SYCE2: variants seen among roughly 807,000 people sequenced by gnomAD.
SYCE2 encodes the protein central element synaptonemal complex 1.
A neutral mutation model predicts 27.9 loss-of-function variants in SYCE2; 3 were observed. The observed-to-expected ratio is 0.11, with a 90% CI of 0.05 to 0.28. The LOEUF (loss-of-function observed/expected upper bound fraction) is 0.28. Ranked by LOEUF, SYCE2 falls within the 10% of genes least tolerant of loss-of-function variation. SYCE2 has a pLI of 1.00. For missense variants in SYCE2, 207 were observed against 263.5 expected, an observed-to-expected ratio of 0.79 and a Z score of 1.48; for synonymous variants, 85 against 100.7, an observed-to-expected ratio of 0.84 and a Z score of 0.93.
rs144074072 is a variant in SYCE2 at position 12,904,277 on chromosome 19, A to T, written c.306+215T>A. 2.7e-4 allele frequency among the ~76,000 whole-genome samples: 41 copies of T among 152,292 alleles called. 1 individual carries two copies. In the East Asian group the frequency reaches 5.2e-3, roughly 19 times the overall value. On this transcript the variant is annotated intron_variant, in intron 3 of 5. Transcript: ENST00000293695. ...GGTAAATTGAGATACAGATGGTCCC[A>T]ACTTACTACAGTTCAACTTACTACA... is the stretch of plus-strand genomic sequence containing the variant.
intron 2 of SYCE2, among the ~76,000 whole-genome samples, chr19:12,913,491 C>T (rs1370207984): frequency 2.6e-5 from 4 of 152,146 alleles, no homozygotes; most frequent in African/African-American, 9.7e-5. Flanking sequence ...GGGGGGAACA[C>T]AACAGAATCT....
chr19:12,899,441 A>T (rs773341347), intron 5 of SYCE2, 56 bp from the exon 6 acceptor site: 1 of 1,614,170 alleles, frequency 6.2e-7, no homozygotes, highest in East Asian at 2.2e-5. Flanking sequence ...GAAAACTCCA[A>T]ACCGACTCTG....
intron 2 of SYCE2, among the ~76,000 whole-genome samples, chr19:12,908,879 TCA>T (rs1161737315): frequency 6.6e-6 from 1 of 152,162 alleles, no homozygotes; most frequent in Non-Finnish European, 1.5e-5. Flanking sequence ...ACACCGTCAA[TCA>T]CACACTTGTT....
intron 3 of SYCE2, among the ~76,000 whole-genome samples, chr19:12,901,902 C>T (rs1261349120): frequency 6.6e-6 from 1 of 152,160 alleles, no homozygotes; most frequent in African/African-American, 2.4e-5. Context: ...AGGCATGAGC[C>T]ACTGCACCTG....
In SYCE2 at chr19:12,901,002, C is replaced by A. The variant is rs533784970; in HGVS notation, c.307-354G>T. On this transcript the variant is annotated intron_variant, in intron 3 of 5. Coordinates refer to ENST00000293695, the MANE Select transcript of SYCE2 (RefSeq NM_001105578.2). ...AGACCACTGTGAAACCCCGTCTCTA[C>A]TAAAAATACAAAAAAATTTAGCCGG... 4.6e-5 allele frequency among the ~76,000 whole-genome samples: 7 copies of A among 152,100 alleles called. No individual in the cohort carries two copies. In the South Asian group the frequency reaches 1.5e-3, roughly 32 times the overall value.
Position 12,919,239 on chromosome 19 carries a change from G to A in SYCE2, c.15+4C>T, listed in dbSNP as rs1971199074. 1.2e-6 allele frequency: 2 copies of A among 1,611,098 alleles called. No individual in the cohort carries two copies. Among genetic ancestry groups the A allele is most frequent in the Non-Finnish European group, 1.7e-6 (2 of 1,179,998 alleles). On this transcript the variant is annotated splice_donor_region_variant and intron_variant, in intron 1 of 5. Transcript: ENST00000293695. ...CGCGCGAGAAGGAAACAAGCGCCGC[G>A]TACTCCCTGTCGCTCCATTCCGTAT...
intron 2 of SYCE2, among the ~76,000 whole-genome samples, chr19:12,914,878 G>A (rs1169892398): frequency 1.3e-5 from 2 of 152,310 alleles, no homozygotes; most frequent in Admixed American, 6.5e-5. Context: ...CAAAGTGCTG[G>A]GATTACAGGC....
chr19:12,899,007 A>C lies in SYCE2; in HGVS notation c.*334T>G. ...TGTCCCTCCTATCCCTCCCGAGGGT[A>C]AGAAAGGGCTTGCTGTGTTTCCTTG... On this transcript the variant is annotated 3_prime_UTR_variant, in exon 6 of 6. Transcript: ENST00000293695. The C allele has an allele frequency of 2.7e-6, 1 of 369,524 alleles. No individual in the cohort carries two copies. Among genetic ancestry groups the C allele is most frequent in the Non-Finnish European group, 5.1e-6 (1 of 194,528 alleles). 22.9% of individuals were successfully genotyped at this position (369,524 alleles called of 1,614,324 possible). A position where few individuals can be genotyped will look rare whatever the true frequency, so the allele number is the denominator to read the frequency against.
intron 2 of SYCE2, among the ~76,000 whole-genome samples, chr19:12,910,527 C>G (rs949308093): frequency 2.6e-5 from 4 of 151,794 alleles, no homozygotes; most frequent in African/African-American, 9.7e-5. Context: ...CACACACCAC[C>G]ACGCCCGGCT....
At chr19:12,904,409 G>T (rs1255948946) in intron 3 of SYCE2, 83 bp downstream of exon 3, 129 of 1,539,414 alleles carry the variant, frequency 8.4e-5, no homozygotes, top group Non-Finnish European at 2.7e-6. Flanking sequence ...CACCGTGCCT[G>T]GTGTACAACA....
At chr19:12,912,098 C>T (rs544094594) in intron 2 of SYCE2, among the ~76,000 whole-genome samples, 1 of 150,572 alleles carries the variant, frequency 6.6e-6, no homozygotes, top group South Asian at 2.1e-4. Flanking sequence ...CCACTGCACC[C>T]AGCTAACTTT....
intron 2 of SYCE2, among the ~76,000 whole-genome samples, chr19:12,910,257 T>A (rs1284892022): frequency 6.6e-6 from 1 of 152,156 alleles, no homozygotes; most frequent in Non-Finnish European, 1.5e-5. Flanking sequence ...TTTATTTACT[T>A]ATTTATTTTT....
chr19:12,918,330 A>G lies in SYCE2; in HGVS notation c.23T>C (p.Val8Ala). 1 of 1,614,030 alleles carries G rather than the reference A, an allele frequency of 6.2e-7. No individual in the cohort carries two copies. The highest frequency in any genetic ancestry group is 1.1e-5 in the South Asian group (1 of 91,078). MERQGVD[V>A]PHVKCKDQEP... ...CTGGTCTTTGCATTTCACATGGGGC[A>G]CGTCCACCTGCAAGCACAGTCAGGA... Residue 8 changes from valine (V) to alanine (A), a missense_variant, in exon 2 of 6, where the codon GTG becomes GCG. Physicochemically the swap from Val to Ala is moderately conservative, Grantham distance 64 (BLOSUM62 0). Transcript: ENST00000293695.
At chr19:12,911,585 G>A (rs993872932) in intron 2 of SYCE2, among the ~76,000 whole-genome samples, 1 of 144,948 alleles carries the variant, frequency 6.9e-6, no homozygotes, top group Non-Finnish European at 1.5e-5. Context: ...GATTACAGGT[G>A]CCTACCAACC....
chr19:12,904,670 G>C lies in SYCE2; in HGVS notation c.132-4C>G. On this transcript the variant is annotated splice_region_variant and splice_polypyrimidine_tract_variant and intron_variant, in intron 2 of 5. Transcript: ENST00000293695. ...GACCGTCAGCTGGCAACTGGCACTGGAGGTGGCGACACAAGGGCAAGAAAC... is the reference window on the plus strand; with the variant it reads ...GACCGTCAGCTGGCAACTGGCACTGCAGGTGGCGACACAAGGGCAAGAAAC... The C allele has an allele frequency of 6.2e-7, 1 of 1,613,300 alleles. No individual in the cohort carries two copies. Among genetic ancestry groups the C allele is most frequent in the African/African-American group, 1.3e-5 (1 of 74,990 alleles).
intron 1 of SYCE2, 128 bp from the exon 2 acceptor site, chr19:12,918,465 A>C: frequency 1.2e-6 from 1 of 818,472 alleles, no homozygotes. Context: ...CGCAGGAAAG[A>C]CGGGCAGGGC....
At chr19:12,900,437 C>G in intron 4 of SYCE2, 23 bp downstream of exon 4, 1 of 1,607,368 alleles carries the variant, frequency 6.2e-7, no homozygotes, top group Non-Finnish European at 8.5e-7. Context: ...CAGGCAGCGC[C>G]CCCCCTGTGA....
At chr19:12,901,030 G>A (rs574629660) in intron 3 of SYCE2, among the ~76,000 whole-genome samples, 78 of 152,194 alleles carry the variant, frequency 5.1e-4, no homozygotes, top group African/African-American at 1.8e-3. Flanking sequence ...TTAGCCGGGC[G>A]AGGTGGCGGG....
rs574763732 is a variant in SYCE2 at position 12,900,462 on chromosome 19, C to G, written c.493G>C (p.Glu165Gln). 8.1e-6 allele frequency: 13 copies of G among 1,612,976 alleles called. No individual in the cohort carries two copies. The change falls in exon 4 of 6, where the codon GAG becomes CAG. Residue 165 changes from glutamate (E) to glutamine (Q), a missense_variant and splice_region_variant. Coordinates refer to ENST00000293695, the MANE Select transcript of SYCE2 (RefSeq NM_001105578.2). ...TVYKDLCLQP[E>Q]QSLRLRWGPD... ...CCCCCCTGTGAGTTTACTCATACCTCAGGCTGGAGACACAGGTCTTTGTAC... is the reference window on the plus strand; with the variant it reads ...CCCCCCTGTGAGTTTACTCATACCTGAGGCTGGAGACACAGGTCTTTGTAC...
Sources: gnomAD v4.1 joint callset for allele counts (sites outside exome capture counted in the v4.1 genomes callset) on GRCh38, gnomAD v4.1.1 for gene constraint, MANE v1.5 for transcripts, NCBI Gene and HGNC (gene_info 2026-07-23, HGNC 2026-07-21) for gene names.